Variants in ARHGAP29 observed in about 807,000 individuals in gnomAD.
ARHGAP29 encodes Rho GTPase activating protein 29, also known as rho GTPase-activating protein 29.
In ARHGAP29, 43 loss-of-function variants were observed where a neutral mutation model predicts 122.6. The ratio of observed to expected loss-of-function variants is 0.35; its 90% CI spans 0.27 to 0.45. The LOEUF (loss-of-function observed/expected upper bound fraction) is 0.45, where lower values mean the gene tolerates loss of function less well. Ranked by LOEUF, ARHGAP29 falls within the 20% of genes least tolerant of loss-of-function variation. ARHGAP29 has a pLI of 1.00. For synonymous variants in ARHGAP29, 506 were observed against 497.1 expected (o/e 1.02, Z -0.24); for missense variants, 1,303 against 1,477.2 (o/e 0.88, Z 1.93).
intron 3 of ARHGAP29, among the ~76,000 whole-genome samples, chr1:94,219,403 T>C (rs2101578860): frequency 6.6e-6 from 1 of 152,270 alleles, no homozygotes; most frequent in Admixed American, 6.5e-5. Flanking sequence ...TTCCATTACC[T>C]ATACATCAAC....
chr1:94,273,347 AT>A (rs1435358839), intron 1 of ARHGAP29, among the ~76,000 whole-genome samples: 1 of 152,214 alleles, frequency 6.6e-6, no homozygotes, highest in Admixed American at 6.5e-5. Flanking sequence ...GGCTTAAGCA[AT>A]TTATTTTAAC....
intron 1 of ARHGAP29, among the ~76,000 whole-genome samples, chr1:94,253,644 GC>G (rs1469392761): frequency 1.3e-5 from 2 of 149,794 alleles, no homozygotes; most frequent in African/African-American, 5.0e-5. Context: ...ACACACGCAC[GC>G]ACGCACGCAC....
chr1:94,190,973 T>G (rs1458432213), intron 12 of ARHGAP29: 1 of 152,102 alleles, frequency 6.6e-6, no homozygotes, highest in African/African-American at 2.4e-5. Flanking sequence ...GAGGTAACAT[T>G]TGAACTGCGA....
chr1:94,196,513 G>A (rs868064785), intron 12 of ARHGAP29, among the ~76,000 whole-genome samples: 2 of 151,618 alleles, frequency 1.3e-5, no homozygotes, highest in South Asian at 2.1e-4. Flanking sequence ...CGCCCGCCTC[G>A]GCCTCCCAAA....
chr1:94,233,545 T>G (rs1653061284), intron 1 of ARHGAP29, among the ~76,000 whole-genome samples: 1 of 152,142 alleles, frequency 6.6e-6, no homozygotes, highest in African/African-American at 2.4e-5. Flanking sequence ...ATTTCTCTAC[T>G]GAAAACCCTT....
chr1:94,231,802 C>T (rs1039888566), intron 1 of ARHGAP29, among the ~76,000 whole-genome samples, 159 bp from the exon 2 acceptor site: 2 of 152,090 alleles, frequency 1.3e-5, no homozygotes, highest in Admixed American at 6.6e-5. Context: ...AATCAATAAT[C>T]AATCACTGTA....
chr1:94,281,320 G>A, the ARHGAP29 span, among the ~76,000 whole-genome samples: 2 of 152,240 alleles, frequency 1.3e-5, no homozygotes, highest in East Asian at 1.9e-4. Context: ...ATTACACTAA[G>A]TCTCTGTGTT....
intron 11 of ARHGAP29, 87 bp downstream of exon 11, chr1:94,202,457 G>GT: frequency 6.6e-7 from 1 of 1,512,300 alleles, no homozygotes; most frequent in Non-Finnish European, 9.0e-7. Flanking sequence ...TTTCCAGGCA[G>GT]TCTTGGCAGA....
chr1:94,257,678 T>A (rs1312450132), intron 1 of ARHGAP29, among the ~76,000 whole-genome samples: 4 of 152,116 alleles, frequency 2.6e-5, no homozygotes, highest in Non-Finnish European at 5.9e-5. Flanking sequence ...CACTGCACTC[T>A]AACCTGAGTG....
At chr1:94,285,930 T>C in the ARHGAP29 span, among the ~76,000 whole-genome samples, 8 of 146,534 alleles carry the variant, frequency 5.5e-5, no homozygotes, top group Non-Finnish European at 1.2e-4. Flanking sequence ...CAGTGAGCAG[T>C]TGGTGGAAAG....
intron 12 of ARHGAP29, among the ~76,000 whole-genome samples, chr1:94,197,489 G>A (rs1190905782): frequency 1.3e-5 from 2 of 152,062 alleles, no homozygotes; most frequent in Admixed American, 6.5e-5. Flanking sequence ...AACAAAATAG[G>A]AGGAAGCACT....
At chr1:94,179,511 T>C (rs1649313590) in intron 20 of ARHGAP29, among the ~76,000 whole-genome samples, 1 of 146,192 alleles carries the variant, frequency 6.8e-6, no homozygotes, top group Admixed American at 7.1e-5. Context: ...GAAGAATTGC[T>C]TGAACCCAGG....
chr1:94,263,917 A>G (rs186397202), intron 1 of ARHGAP29, among the ~76,000 whole-genome samples: 227 of 152,318 alleles, frequency 1.5e-3, no homozygotes, highest in Middle Eastern at 3.4e-3. Context: ...TTAGCCAGTT[A>G]AAAGTTCTCT....
At chr1:94,217,860 CAA>C (rs147929517) in intron 3 of ARHGAP29, among the ~76,000 whole-genome samples, 127,392 of 150,908 alleles carry the variant, frequency 0.84, 54,795 homozygotes, top group Non-Finnish European at 0.92. Context: ...TAAAAAAAAA[CAA>C]AAAAAAAAAA....
chr1:94,266,272 C>T (rs1442915925), intron 1 of ARHGAP29, among the ~76,000 whole-genome samples: 1 of 152,156 alleles, frequency 6.6e-6, no homozygotes, highest in African/African-American at 2.4e-5. Context: ...CACTGTCATT[C>T]TGCTCCTTCT....
At chr1:94,313,313 A>T in the ARHGAP29 span, among the ~76,000 whole-genome samples, 5 of 152,336 alleles carry the variant, frequency 3.3e-5, no homozygotes, top group South Asian at 1.0e-3. Flanking sequence ...ATCTCAGAGA[A>T]AACTTCCCTG....
intron 2 of ARHGAP29, among the ~76,000 whole-genome samples, chr1:94,222,948 A>T (rs1259448834): frequency 6.7e-6 from 1 of 148,564 alleles, no homozygotes; most frequent in African/African-American, 2.5e-5. Flanking sequence ...CATAAACATA[A>T]TTTTTTTTTT....
chr1:94,174,630 G>T lies in ARHGAP29; in HGVS notation c.3025C>A (p.His1009Asn). ...SDRSTNNVER[H>N]TPRTKIRPVS... The stretch of plus-strand genomic sequence containing the variant: ...GGTCTAATCTTGGTCCTTGGAGTAT[G>T]CCTCTCCACATTGTTTGTTGACCTA... The change falls in exon 23 of 23, where the codon CAT becomes AAT. Residue 1009 changes from histidine to asparagine, a missense_variant. Around this residue, in one of 3 missense-constraint regions of ARHGAP29, gnomAD observed 620 missense variants for 651.2 expected, o/e 0.95. Coordinates refer to ENST00000260526, the MANE Select transcript of ARHGAP29 (RefSeq NM_004815.4). 6.2e-7 allele frequency: 1 copy of T among 1,614,034 alleles called. No individual in the cohort carries two copies. The highest frequency in any genetic ancestry group is 8.5e-7 in the Non-Finnish European group (1 of 1,180,010).
the ARHGAP29 span, among the ~76,000 whole-genome samples, chr1:94,291,956 CT>C: frequency 6.6e-6 from 1 of 152,122 alleles, no homozygotes; most frequent in Admixed American, 6.5e-5. Context: ...TGAGGAGTAT[CT>C]TTGTGGTGTT....
Sources: gnomAD v4.1 joint callset for allele counts (sites outside exome capture counted in the v4.1 genomes callset) on GRCh38, gnomAD v4.1.1 for gene constraint, gnomAD v4.1.1 regional missense constraint, MANE v1.5 for transcripts, NCBI Gene and HGNC (gene_info 2026-07-23, HGNC 2026-07-21) for gene names.